The following FAM149A variants were observed in gnomAD, a reference collection of about 807,000 sequenced individuals.
The protein encoded by FAM149A is protein FAM149A.
Under a neutral mutation model 78.2 loss-of-function variants are expected in FAM149A, and 71 were observed. The observed-to-expected ratio is 0.91, with a 90% CI of 0.75 to 1.11. The LOEUF (loss-of-function observed/expected upper bound fraction) is 1.11. FAM149A is among the 50% of genes least tolerant of loss of function. FAM149A has a pLI of 0.00. For synonymous variants in FAM149A, 446 were observed against 410.5 expected (o/e 1.09, Z -1.04); for missense variants, 1,036 against 971.0 (o/e 1.07, Z -0.89).
chr4:186,136,938 C>CTCTCTCTCTCTCTCTCTCTT (rs2099323042), intron 1 of FAM149A, among the ~76,000 whole-genome samples: 17 of 81,064 alleles, frequency 2.1e-4, no homozygotes, highest in Admixed American at 2.8e-4. Flanking sequence ...ACTGATTGAT[C>CTCTCTCTCTCTCTCTCTCTT]TCTCTCTCTC....
intron 1 of FAM149A, chr4:186,123,760 T>C (rs2099317043): frequency 1.2e-6 from 1 of 856,792 alleles, no homozygotes; most frequent in Non-Finnish European, 1.4e-6. Flanking sequence ...ATCCACAAAA[T>C]TGTGACAAAC....
chr4:186,149,361 C>A, intron 2 of FAM149A, 78 bp downstream of exon 2: 1 of 1,221,956 alleles, frequency 8.2e-7, no homozygotes, highest in Non-Finnish European at 1.1e-6. Context: ...AGTGACTGGC[C>A]ATGAATTTCT....
chr4:186,153,776 T>A lies in FAM149A; in HGVS notation c.1058+6T>A, dbSNP rs746028301. The A allele has an allele frequency of 1.9e-6, 3 of 1,593,256 alleles. No individual in the cohort carries two copies. The highest frequency in any genetic ancestry group is 2.6e-6 in the Non-Finnish European group (3 of 1,164,142). ...CACAGCAGCAACATCAGAGAGTATG[T>A]TCAGATAAGTGACTCTCAAAAAGTA... is the stretch of plus-strand genomic sequence containing the variant. On this transcript the variant is annotated splice_donor_region_variant and intron_variant, in intron 5 of 13. Transcript: ENST00000389354.
chr4:186,153,740 G>A lies in FAM149A; in HGVS notation c.1028G>A (p.Ser343Asn). The A allele has an allele frequency of 6.2e-7, 1 of 1,612,576 alleles. No homozygotes were observed. Among genetic ancestry groups the A allele is most frequent in the South Asian group, 1.1e-5 (1 of 91,004 alleles). Residue 343 changes from serine to asparagine, a missense_variant, in exon 5 of 14, where the codon AGT becomes AAT. Coordinates refer to ENST00000389354, the MANE Select transcript of FAM149A (RefSeq NM_001367768.3). ...TCCGCAGTCCACAGACCCCCGCTCA[G>A]TGCCTGCGGACACAGCAGCAACATC...
chr4:186,163,678 C>G (rs1230477895), intron 10 of FAM149A, 45 bp downstream of exon 10: 1 of 1,398,120 alleles, frequency 7.2e-7, no homozygotes, highest in East Asian at 2.3e-5. Context: ...CACGGAGGAC[C>G]TAGATGCTTC....
intron 1 of FAM149A, among the ~76,000 whole-genome samples, chr4:186,120,848 C>CT (rs374357159): frequency 0.33 from 29,312 of 90,040 alleles, 7,253 homozygotes; most frequent in Middle Eastern, 0.43. Context: ...AAATAATATT[C>CT]TTTTTTTTTT....
In FAM149A at chr4:186,172,176, C is replaced by T. The variant is rs573575963; in HGVS notation, c.*189C>T. 1.2e-6 allele frequency: 1 copy of T among 847,804 alleles called. No homozygotes were observed. The highest frequency in any genetic ancestry group is 1.7e-6 in the Non-Finnish European group (1 of 604,484). 52.5% of individuals were successfully genotyped at this position (847,804 alleles called of 1,614,324 possible). A position where few individuals can be genotyped will look rare whatever the true frequency, so the allele number is the denominator to read the frequency against. On this transcript the variant is annotated 3_prime_UTR_variant, in exon 14 of 14. Coordinates refer to ENST00000389354, the MANE Select transcript of FAM149A (RefSeq NM_001367768.3). The stretch of plus-strand genomic sequence containing the variant: ...ACTGTAAAGAGAGTGAAAGTCAAAC[C>T]CACCAAGCTGCCTTGCTGAAAGCAT...
intron 1 of FAM149A, among the ~76,000 whole-genome samples, chr4:186,115,326 T>A (rs1264516036): frequency 7.1e-6 from 1 of 140,604 alleles, no homozygotes; most frequent in Non-Finnish European, 1.5e-5. Flanking sequence ...TCAACTTCTT[T>A]GCCTTTGGTT....
At chr4:186,127,337 A>G (rs2099318754) in intron 1 of FAM149A, 2 of 985,344 alleles carry the variant, frequency 2.0e-6, no homozygotes, top group East Asian at 1.1e-4. Context: ...TTTACTTCAC[A>G]GTAAACATCC....
intron 10 of FAM149A, 33 bp downstream of exon 10, chr4:186,163,666 G>T (rs765153948): frequency 2.6e-6 from 4 of 1,523,430 alleles, no homozygotes; most frequent in Non-Finnish European, 3.6e-6. Context: ...TAAACTAAAG[G>T]CCACGGAGGA....
intron 1 of FAM149A, chr4:186,146,524 C>T (rs1733050002): frequency 2.0e-6 from 2 of 982,392 alleles, no homozygotes; most frequent in South Asian, 4.7e-5. Context: ...AAAAGAGCTT[C>T]CACCCTTTCC....
At chr4:186,154,817 C>T (rs952266340) in intron 6 of FAM149A, 179 bp downstream of exon 6, 12 of 985,210 alleles carry the variant, frequency 1.2e-5, no homozygotes, top group Admixed American at 6.2e-5. Flanking sequence ...GGTGCACGTG[C>T]GGGAGCAGCG....
chr4:186,158,967 A>G (rs1734293893), intron 8 of FAM149A: 1 of 237,900 alleles, frequency 4.2e-6, no homozygotes, highest in African/African-American at 2.3e-5. Flanking sequence ...CATGAAGTTT[A>G]ACAGAATTAC....
At chr4:186,142,059 C>A (rs2099326023) in intron 1 of FAM149A, among the ~76,000 whole-genome samples, 1 of 152,150 alleles carries the variant, frequency 6.6e-6, no homozygotes, top group South Asian at 2.1e-4. Flanking sequence ...AAACCTAGGC[C>A]ATTTCTTTTC....
In FAM149A at chr4:186,150,413, CTTTTTTTTT is replaced by C. The variant is rs750482571; in HGVS notation, c.789+725_789+733del. 7.5e-3 allele frequency among the ~76,000 whole-genome samples: 635 copies of C among 84,216 alleles called. 8 individuals are homozygous for C. The highest frequency in any genetic ancestry group is 0.037 in the African/African-American group (610 of 16,666). The allele number at this position is 84,216 out of a possible 152,430, so 55.2% of individuals were successfully genotyped here. On this transcript the variant is annotated intron_variant, in intron 3 of 13. Coordinates refer to ENST00000389354, the MANE Select transcript of FAM149A (RefSeq NM_001367768.3). ...GCTTGCTTTCTCTCTCTCTCTGTCTCTTTTTTTTTTTTTTTTTTTTTTTTGAGACGGAGT... is the reference window on the plus strand; with the variant it reads ...GCTTGCTTTCTCTCTCTCTCTGTCTCTTTTTTTTTTTTTTTGAGACGGAGT...
At chr4:186,162,778 A>T in intron 8 of FAM149A, 67 bp from the exon 9 acceptor site, 2 of 809,896 alleles carry the variant, frequency 2.5e-6, no homozygotes, top group Non-Finnish European at 4.0e-6. Flanking sequence ...GACAAGCATC[A>T]GTCATTGGAA....
chr4:186,167,361 T>A (rs1735133054), intron 13 of FAM149A, 99 bp downstream of exon 13: 1 of 1,179,130 alleles, frequency 8.5e-7, no homozygotes, highest in African/African-American at 1.5e-5. Flanking sequence ...AAGCCTATTT[T>A]GCTGTAGGAG....
chr4:186,109,850 A>G, intron 1 of FAM149A: 1 of 985,410 alleles, frequency 1.0e-6, no homozygotes, highest in Non-Finnish European at 1.2e-6. Flanking sequence ...ATTATAGTAC[A>G]TGCCAATCTT....
intron 8 of FAM149A, chr4:186,160,739 A>ACAC (rs1561414168): frequency 2.1e-6 from 2 of 949,690 alleles, no homozygotes; most frequent in African/African-American, 3.7e-5. Flanking sequence ...CACACCCCAC[A>ACAC]CACACCACAC....
Sources: allele counts gnomAD v4.1 joint callset (sites outside exome capture counted in the v4.1 genomes callset), GRCh38; gene constraint gnomAD v4.1.1; transcripts MANE v1.5; gene names NCBI Gene and HGNC (gene_info 2026-07-23, HGNC 2026-07-21).